MAP4K4: variants seen among roughly 807,000 people sequenced by gnomAD.
MAP4K4 encodes the protein HPK/GCK-like kinase HGK.
In MAP4K4, 38 loss-of-function variants were observed where a neutral mutation model predicts 189.6. The ratio of observed to expected loss-of-function variants is 0.20; its 90% CI spans 0.15 to 0.26. MAP4K4 has a LOEUF of 0.26. Among genes scored for constraint, MAP4K4 ranks in the 10% least tolerant of loss-of-function variants. The probability of loss-of-function intolerance (pLI) is 1.00; values close to 1 mark genes in which losing one functional copy is unlikely to be tolerated. For synonymous variants in MAP4K4, 610 were observed against 624.3 expected (o/e 0.98, Z 0.34); for missense variants, 1,054 against 1,726.9 (o/e 0.61, Z 6.91).
At chr2:101,793,348 G>GCA (rs1028002492) in intron 3 of MAP4K4, among the ~76,000 whole-genome samples, 4 of 152,192 alleles carry the variant, frequency 2.6e-5, no homozygotes, top group African/African-American at 7.2e-5. Context: ...AGAGGGCCAT[G>GCA]CACAGCAGGC....
At chr2:101,844,515 C>G (rs1471106718) in intron 12 of MAP4K4, among the ~76,000 whole-genome samples, 2 of 152,194 alleles carry the variant, frequency 1.3e-5, no homozygotes, top group Non-Finnish European at 2.9e-5. Context: ...AAATGTTTTC[C>G]TTCCTTGTGA....
At position 101,859,700 on chromosome 2, in the gene MAP4K4, T is replaced by C. The variant is rs751243013; in HGVS notation, c.1540T>C (p.Leu514=). The C allele has an allele frequency of 1.9e-6, 3 of 1,612,326 alleles. No individual in the cohort carries two copies. The East Asian group carries it at 6.7e-5, about 36-fold the overall frequency. Residue 514 remains leucine (L), a synonymous_variant, in exon 15 of 33, where the codon TTG becomes CTG. Transcript: ENST00000324219. ...GCAGGCAGAGAGGCTCCAGAGGCAG[T>C]TGCAACAAGAACAAGCATATCTCCT...
chr2:101,759,431 C>A (rs1220240944), intron 2 of MAP4K4, among the ~76,000 whole-genome samples: 2 of 150,776 alleles, frequency 1.3e-5, no homozygotes, highest in African/African-American at 4.9e-5. Context: ...TGAGCTTTTT[C>A]TTTCCCTTTT....
At chr2:101,889,042 C>G (rs1414561034) in intron 32 of MAP4K4, 107 bp downstream of exon 32, 2 of 1,108,402 alleles carry the variant, frequency 1.8e-6, no homozygotes, top group African/African-American at 3.2e-5. Context: ...TAAAAATAAT[C>G]AAGGAACTTT....
At chr2:101,803,247 G>GTGTA (rs1553484173) in intron 3 of MAP4K4, among the ~76,000 whole-genome samples, 5 of 127,764 alleles carry the variant, frequency 3.9e-5, no homozygotes, top group African/African-American at 1.4e-4. Context: ...TGATGATGAT[G>GTGTA]TGTGTGTGTG....
At chr2:101,814,826 A>C (rs979941854) in intron 3 of MAP4K4, among the ~76,000 whole-genome samples, 1 of 152,154 alleles carries the variant, frequency 6.6e-6, no homozygotes, top group African/African-American at 2.4e-5. Flanking sequence ...CATAAGCAGG[A>C]GTTGGGGTAG....
chr2:101,738,423 T>TA (rs1558658158), intron 2 of MAP4K4, among the ~76,000 whole-genome samples: 1 of 152,160 alleles, frequency 6.6e-6, no homozygotes, highest in Non-Finnish European at 1.5e-5. Flanking sequence ...TGCAGATTTT[T>TA]AAAAAAAGCA....
chr2:101,860,113 GAACTA>G (rs762170682), intron 15 of MAP4K4: 23 of 553,634 alleles, frequency 4.2e-5, no homozygotes, highest in Non-Finnish European at 7.1e-5. Context: ...ACTTGAAACT[GAACTA>G]AACTAAAAGA....
chr2:101,805,058 G>A (rs2094784764), intron 3 of MAP4K4, among the ~76,000 whole-genome samples: 1 of 143,798 alleles, frequency 7.0e-6, no homozygotes, highest in Non-Finnish European at 1.5e-5. Flanking sequence ...GGGTGACAGG[G>A]CGAGACTCCA....
chr2:101,893,567 G>T, exon 33 of MAP4K4: 1 of 208,116 alleles, frequency 4.8e-6, no homozygotes, highest in Non-Finnish European at 1.0e-5. Flanking sequence ...AGGCACAGGT[G>T]GAGAACAGTA....
chr2:101,781,841 G>A (rs1056622420), intron 2 of MAP4K4, among the ~76,000 whole-genome samples: 3 of 152,322 alleles, frequency 2.0e-5, no homozygotes, highest in South Asian at 2.1e-4. Context: ...ACATAGAGGT[G>A]ATTTTTACTA....
intron 2 of MAP4K4, among the ~76,000 whole-genome samples, chr2:101,712,759 G>C (rs909574639): frequency 6.6e-6 from 1 of 151,772 alleles, no homozygotes; most frequent in African/African-American, 2.4e-5. Flanking sequence ...GCCTCTCCAC[G>C]TGCAGGGATT....
chr2:101,776,566 A>AC (rs1416401108), intron 2 of MAP4K4, among the ~76,000 whole-genome samples: 35 of 73,738 alleles, frequency 4.7e-4, no homozygotes, highest in Non-Finnish European at 7.1e-4. Flanking sequence ...CAAAAAATGC[A>AC]CCCCCACCCC....
chr2:101,866,432 A>G (rs1027452840), exon 19 of MAP4K4: 1 of 1,611,860 alleles, frequency 6.2e-7, no homozygotes, highest in Non-Finnish European at 8.5e-7. Context: ...TAACAGCAGT[A>G]TTGAGCCCAG....
intron 2 of MAP4K4, among the ~76,000 whole-genome samples, chr2:101,769,074 C>T (rs559506803): frequency 6.6e-6 from 1 of 152,274 alleles, no homozygotes; most frequent in East Asian, 1.9e-4. Flanking sequence ...TTGCCAAAAT[C>T]TTGTGCAAGA....
chr2:101,762,698 A>G (rs1190151466), intron 2 of MAP4K4, among the ~76,000 whole-genome samples: 2 of 152,146 alleles, frequency 1.3e-5, no homozygotes, highest in African/African-American at 2.4e-5. Context: ...AAACCCCCCA[A>G]GCATGTGTTG....
intron 25 of MAP4K4, 60 bp from the exon 26 acceptor site, chr2:101,874,022 A>AGGGAGGC: frequency 4.3e-6 from 6 of 1,401,920 alleles, no homozygotes; most frequent in Non-Finnish European, 6.0e-6. Context: ...ATACTGGGGA[A>AGGGAGGC]GGGAGGCAGG....
chr2:101,877,316 A>G (rs895914502), intron 27 of MAP4K4, among the ~76,000 whole-genome samples, 170 bp downstream of exon 27: 3 of 152,192 alleles, frequency 2.0e-5, no homozygotes, highest in Non-Finnish European at 4.4e-5. Flanking sequence ...GGTGACACAC[A>G]CGCCCATTTG....
At chr2:101,765,978 T>A (rs138957423) in intron 2 of MAP4K4, among the ~76,000 whole-genome samples, 1 of 152,142 alleles carries the variant, frequency 6.6e-6, no homozygotes, top group Non-Finnish European at 1.5e-5. Context: ...ATTAAAAAAA[T>A]TAAATGGAAA....
Sources: allele counts gnomAD v4.1 joint callset (sites outside exome capture counted in the v4.1 genomes callset), GRCh38; gene constraint gnomAD v4.1.1; transcripts MANE v1.5; gene names NCBI Gene and HGNC (gene_info 2026-07-23, HGNC 2026-07-21).